The following CDH19 variants were observed in gnomAD, a reference collection of about 807,000 sequenced individuals.
CDH19 encodes cadherin 19.
In CDH19, 67 loss-of-function variants were observed where a neutral mutation model predicts 64.2. That is an observed-to-expected ratio of 1.04 (90% confidence interval 0.86 to 1.28). The LOEUF (loss-of-function observed/expected upper bound fraction) is 1.28, where lower values mean the gene tolerates loss of function less well. Ranked by LOEUF, CDH19 falls within the 50% of genes most tolerant of loss-of-function variation. The pLI is 0.00. For synonymous variants in CDH19, 346 were observed against 319.3 expected, an observed-to-expected ratio of 1.08 and a Z score of -0.89; for missense variants, 1,030 against 929.0, an observed-to-expected ratio of 1.11 and a Z score of -1.41.
intron 1 of CDH19, among the ~76,000 whole-genome samples, chr18:66,600,526 C>T (rs956507422): frequency 1.3e-5 from 2 of 151,656 alleles, no homozygotes; most frequent in African/African-American, 4.8e-5. Context: ...TTTAAAAATG[C>T]AATACACACA....
intron 1 of CDH19, among the ~76,000 whole-genome samples, chr18:66,572,733 G>A (rs1988144739): frequency 6.6e-6 from 1 of 151,602 alleles, no homozygotes; most frequent in African/African-American, 2.4e-5. Context: ...ATATTTGATA[G>A]AGATAAGCTT....
chr18:66,521,547 A>G (rs1472461840), intron 9 of CDH19, among the ~76,000 whole-genome samples: 6 of 104,056 alleles, frequency 5.8e-5, no homozygotes, highest in Admixed American at 2.9e-4. Context: ...TTGTTTGTTT[A>G]TTTGTTTTTG....
intron 9 of CDH19, among the ~76,000 whole-genome samples, chr18:66,512,221 A>G (rs1174083476): frequency 6.6e-6 from 1 of 151,596 alleles, no homozygotes; most frequent in Non-Finnish European, 1.5e-5. Context: ...ACCCATAATG[A>G]TTATAGGAAA....
chr18:66,543,373 G>T (rs1986969184), intron 7 of CDH19, among the ~76,000 whole-genome samples: 1 of 152,000 alleles, frequency 6.6e-6, no homozygotes, highest in Non-Finnish European at 1.5e-5. Context: ...TCTAATTGGG[G>T]CTTTTTAAAA....
At chr18:66,532,553 T>A in intron 8 of CDH19, 1 of 297,100 alleles carries the variant, frequency 3.4e-6, no homozygotes, top group East Asian at 9.3e-5. Flanking sequence ...AAAAAAAAGC[T>A]TTGTATGTAA....
intron 7 of CDH19, 34 bp downstream of exon 7, chr18:66,543,934 CTTA>C (rs777921673): frequency 4.9e-5 from 71 of 1,446,358 alleles, no homozygotes; most frequent in Non-Finnish European, 6.6e-5. Flanking sequence ...TTTATATTTA[CTTA>C]TTTATTAATG....
chr18:66,600,966 T>A (rs1237194557), intron 1 of CDH19, among the ~76,000 whole-genome samples: 1 of 151,854 alleles, frequency 6.6e-6, no homozygotes, highest in African/African-American at 2.4e-5. Flanking sequence ...TTATTTCTCA[T>A]CAAATACTAT....
At chr18:66,538,209 T>G (rs1986748945) in intron 7 of CDH19, among the ~76,000 whole-genome samples, 1 of 152,142 alleles carries the variant, frequency 6.6e-6, no homozygotes, top group South Asian at 2.1e-4. Flanking sequence ...CCAAAATTAC[T>G]TAGGTTGTAT....
intron 9 of CDH19, among the ~76,000 whole-genome samples, chr18:66,514,464 G>A (rs372479008): frequency 1.3e-5 from 2 of 151,264 alleles, no homozygotes; most frequent in East Asian, 1.9e-4. Context: ...TACAGCCAAT[G>A]AGCTAATACT....
At chr18:66,521,634 C>G (rs1985990607) in intron 9 of CDH19, among the ~76,000 whole-genome samples, 1 of 151,604 alleles carries the variant, frequency 6.6e-6, no homozygotes, top group African/African-American at 2.4e-5. Context: ...CTCCTGGGCT[C>G]AAGTAATCCT....
chr18:66,591,009 C>A (rs566183144), intron 1 of CDH19, among the ~76,000 whole-genome samples: 1 of 151,732 alleles, frequency 6.6e-6, no homozygotes, highest in Non-Finnish European at 1.5e-5. Context: ...CATTTTGTAA[C>A]ATTAAGTCAA....
Position 66,509,171 on chromosome 18 carries a change from A to G in CDH19, c.1652T>C (p.Leu551Ser), listed in dbSNP as rs1419173125. The change falls in exon 11 of 12, where the codon TTA becomes TCA. Residue 551 changes from leucine to serine, a missense_variant. By Grantham distance (145) the Leu-to-Ser change is moderately radical. Coordinates refer to ENST00000262150, the MANE Select transcript of CDH19 (RefSeq NM_021153.4). ...TGACGGGATTCCATTGTCGGCAATT[A>G]AGATGGAGATGTAGAAGACAGGTTC... ...QEEPVFYISI[L>S]IADNGIPSLT... 1 of 1,612,810 alleles carries G rather than the reference A, an allele frequency of 6.2e-7. No homozygotes were observed. The highest frequency in any genetic ancestry group is 1.7e-5 in the Admixed American group (1 of 59,856).
intron 5 of CDH19, among the ~76,000 whole-genome samples, chr18:66,546,994 C>T (rs1339685488): frequency 6.6e-6 from 1 of 152,090 alleles, no homozygotes; most frequent in African/African-American, 2.4e-5. Context: ...AGGATTTTGA[C>T]GTCTGTGAGG....
At chr18:66,542,897 A>AC (rs983694450) in intron 7 of CDH19, among the ~76,000 whole-genome samples, 10 of 150,842 alleles carry the variant, frequency 6.6e-5, no homozygotes, top group South Asian at 2.1e-4. Context: ...ATTCCCCTTC[A>AC]CCCCCCCGAC....
chr18:66,539,344 T>C (rs2144463701), intron 7 of CDH19, among the ~76,000 whole-genome samples: 1 of 152,260 alleles, frequency 6.6e-6, no homozygotes, highest in Admixed American at 6.5e-5. Flanking sequence ...CCTACCTTGT[T>C]TCCAATCTTA....
intron 1 of CDH19, among the ~76,000 whole-genome samples, chr18:66,588,248 T>C (rs939662446): frequency 2.0e-5 from 3 of 152,060 alleles, no homozygotes; most frequent in African/African-American, 7.2e-5. Flanking sequence ...CTGTCTAGGG[T>C]TGGTTCCCAC....
At chr18:66,510,167 A>G (rs1985403296) in intron 10 of CDH19, among the ~76,000 whole-genome samples, 1 of 151,834 alleles carries the variant, frequency 6.6e-6, no homozygotes, top group African/African-American at 2.4e-5. Flanking sequence ...AAGGAAAATA[A>G]AAGCCTTTTG....
chr18:66,505,608 T>C (rs1483424450), intron 11 of CDH19, among the ~76,000 whole-genome samples: 2 of 144,028 alleles, frequency 1.4e-5, no homozygotes, highest in East Asian at 2.0e-4. Flanking sequence ...TATTAGATGA[T>C]GAACAATTTA....
At chr18:66,566,580 C>T (rs1007478532) in intron 3 of CDH19, among the ~76,000 whole-genome samples, 4 of 151,814 alleles carry the variant, frequency 2.6e-5, no homozygotes, top group African/African-American at 9.7e-5. Flanking sequence ...CTTCAGTGTG[C>T]TGTAATAGCA....
Sources: gnomAD v4.1 joint callset for allele counts (sites outside exome capture counted in the v4.1 genomes callset) on GRCh38, gnomAD v4.1.1 for gene constraint, MANE v1.5 for transcripts, NCBI Gene and HGNC (gene_info 2026-07-23, HGNC 2026-07-21) for gene names.